SATL1: variants seen among roughly 807,000 people sequenced by gnomAD.
The protein encoded by SATL1 is spermidine/spermine N(1)-acetyltransferase-like protein 1.
In SATL1, 47 loss-of-function variants were observed where a neutral mutation model predicts 51.8. The observed-to-expected ratio is 0.91, with a 90% CI of 0.72 to 1.16. SATL1 has a LOEUF of 1.16. Ranked by LOEUF, SATL1 falls within the 50% of genes most tolerant of loss-of-function variation. SATL1 has a pLI of 0.00. For missense variants in SATL1, 520 were observed against 526.4 expected (o/e 0.99, Z 0.12); for synonymous variants, 176 against 182.4 (o/e 0.97, Z 0.28).
At chrX:85,224,969 A>G (rs1194275756) in intron 1 of SATL1, among the ~76,000 whole-genome samples, 1 of 111,118 alleles carries the variant, frequency 9.0e-6, no homozygotes, top group East Asian at 2.8e-4. Flanking sequence ...CATACATACA[A>G]CAACCTGAAT....
chrX:85,150,336 C>A (rs185203173), intron 2 of SATL1, among the ~76,000 whole-genome samples: 1,369 of 110,249 alleles, frequency 0.012, 22 homozygotes, highest in African/African-American at 0.043. Flanking sequence ...GCTTACCAAC[C>A]AAAAAGAGTC....
chrX:85,150,384 G>C (rs1001600040), intron 2 of SATL1, among the ~76,000 whole-genome samples: 10 of 109,867 alleles, frequency 9.1e-5, no homozygotes, highest in African/African-American at 3.3e-4. Context: ...TCTACCAGAG[G>C]TACAAGGAGG....
chrX:85,137,120 T>C (rs1925978207), intron 2 of SATL1, among the ~76,000 whole-genome samples: 1 of 110,901 alleles, frequency 9.0e-6, no homozygotes, highest in Non-Finnish European at 1.9e-5. Context: ...AGAATGGGAT[T>C]CGTTAGGATT....
intron 2 of SATL1, among the ~76,000 whole-genome samples, chrX:85,198,138 T>C (rs1417490331): frequency 1.8e-5 from 2 of 111,623 alleles, no homozygotes; most frequent in East Asian, 5.6e-4. Context: ...TCCGGTTTCG[T>C]CTGTGTTTTT....
chrX:85,199,231 G>A (rs1927641953), intron 2 of SATL1, among the ~76,000 whole-genome samples: 1 of 111,217 alleles, frequency 9.0e-6, no homozygotes, highest in Non-Finnish European at 1.9e-5. Context: ...GCCTCCATGA[G>A]TTCAATTCTT....
intron 2 of SATL1, among the ~76,000 whole-genome samples, chrX:85,114,700 A>G (rs919143837): frequency 8.9e-6 from 1 of 112,254 alleles, no homozygotes; most frequent in Admixed American, 9.5e-5. Flanking sequence ...ATAACTTTGA[A>G]ACGCATACCA....
chrX:85,151,256 C>T (rs1926426717), intron 2 of SATL1, among the ~76,000 whole-genome samples: 3 of 110,481 alleles, frequency 2.7e-5, no homozygotes, highest in Non-Finnish European at 5.7e-5. Context: ...ATCCAACTTA[C>T]AAGGGATGTG....
chrX:85,212,349 G>C (rs1927945490), intron 2 of SATL1, among the ~76,000 whole-genome samples: 1 of 111,663 alleles, frequency 9.0e-6, no homozygotes, highest in South Asian at 3.7e-4. Flanking sequence ...AAATTAATCT[G>C]TAAGATTTTA....
intron 1 of SATL1, among the ~76,000 whole-genome samples, chrX:85,242,086 G>A (rs141517840): frequency 8.9e-6 from 1 of 111,875 alleles, no homozygotes; most frequent in Non-Finnish European, 1.9e-5. Context: ...GAATTCTCAG[G>A]ATATTTTCAT....
In SATL1 at chrX:85,098,194, G is replaced by C. The variant is rs368457622; in HGVS notation, c.1694-3198C>G. Among the ~76,000 whole-genome samples the C allele has an allele frequency of 7.2e-5, 8 of 111,771 alleles. No homozygotes were observed. The East Asian group carries it at 1.1e-3, about 16-fold the overall frequency. ...AGCTAGGGTGGCTATACTAGTATCA[G>C]ACAAAATAGACTTTAAGTCAAAAAC... On this transcript the variant is annotated intron_variant, in intron 4 of 7. Coordinates refer to ENST00000644105, the MANE Select transcript of SATL1 (RefSeq NM_001367857.2).
At chrX:85,099,655 A>T (rs1414432566) in intron 4 of SATL1, among the ~76,000 whole-genome samples, 1 of 111,792 alleles carries the variant, frequency 8.9e-6, no homozygotes, top group African/African-American at 3.3e-5. Context: ...CCACATAATC[A>T]AATCAATGAA....
intron 1 of SATL1, among the ~76,000 whole-genome samples, chrX:85,234,228 A>G (rs1287817285): frequency 1.8e-5 from 2 of 111,822 alleles, no homozygotes; most frequent in Non-Finnish European, 3.8e-5. Flanking sequence ...AAAGAAAAAT[A>G]AAGACTTTCC....
At chrX:85,110,419 A>C (rs1925233366) in intron 2 of SATL1, among the ~76,000 whole-genome samples, 1 of 112,076 alleles carries the variant, frequency 8.9e-6, no homozygotes, top group African/African-American at 3.2e-5. Context: ...TTCAGATGGA[A>C]TATTATTTAT....
At chrX:85,197,175 G>A (rs1366312119) in intron 2 of SATL1, among the ~76,000 whole-genome samples, 1 of 111,419 alleles carries the variant, frequency 9.0e-6, no homozygotes, top group African/African-American at 3.3e-5. Flanking sequence ...TTAAATATTT[G>A]GCAAAGTATA....
At chrX:85,118,085 AGC>A (rs1925419932) in intron 2 of SATL1, among the ~76,000 whole-genome samples, 2 of 39,691 alleles carry the variant, frequency 5.0e-5, no homozygotes, top group Admixed American at 3.8e-4. Context: ...AAAAGAACTT[AGC>A]TTTTTTTTTT....
intron 2 of SATL1, among the ~76,000 whole-genome samples, chrX:85,204,136 C>G (rs1927743342): frequency 9.0e-6 from 1 of 111,648 alleles, no homozygotes; most frequent in South Asian, 3.8e-4. Context: ...TTGCAAAGAT[C>G]TGTGGGAGAA....
In SATL1 at chrX:85,107,662, A is replaced by G; in HGVS notation, c.1307T>C (p.Met436Thr). The change falls in exon 3 of 8, where the codon ATG becomes ACG. Residue 436 changes from methionine to threonine, a missense_variant. Transcript: ENST00000644105. ...PRQPNKSPPGMWQRGMWQPGM... is the reference protein window; with the variant it reads ...PRQPNKSPPGTWQRGMWQPGM... ...TGGTTGCCACATGCCTCGTTGCCAC[A>G]TGCCTGGTGGACTCTTGTTTGGTTG... The G allele has an allele frequency of 5.0e-6, 6 of 1,211,465 alleles. No homozygotes were observed. The highest frequency in any genetic ancestry group is 6.7e-6 in the Non-Finnish European group (6 of 895,460).
At chrX:85,103,309 C>G (rs1385542387) in intron 4 of SATL1, among the ~76,000 whole-genome samples, 1 of 111,662 alleles carries the variant, frequency 9.0e-6, no homozygotes, top group Non-Finnish European at 1.9e-5. Flanking sequence ...TTATTACATG[C>G]ATTCTGAAGT....
intron 2 of SATL1, among the ~76,000 whole-genome samples, chrX:85,159,018 T>C (rs764133085): frequency 6.0e-4 from 67 of 111,781 alleles, no homozygotes; most frequent in Admixed American, 1.5e-3. Context: ...AACTTAATAA[T>C]TTGTCATTTG....
Sources: allele counts gnomAD v4.1 joint callset (sites outside exome capture counted in the v4.1 genomes callset), GRCh38; gene constraint gnomAD v4.1.1; transcripts MANE v1.5; gene names NCBI Gene and HGNC (gene_info 2026-07-23, HGNC 2026-07-21).